LEKR1: variants seen among roughly 807,000 people sequenced by gnomAD.
The protein encoded by LEKR1 is protein LEKR1.
A neutral mutation model predicts 72.4 loss-of-function variants in LEKR1; 59 were observed. That is an observed-to-expected ratio of 0.82 (90% CI 0.66 to 1.01). LEKR1 has a LOEUF of 1.01. Ranked by LOEUF, LEKR1 falls within the 50% of genes least tolerant of loss-of-function variation. The probability of loss-of-function intolerance (pLI) is 0.00; values close to 1 mark genes in which losing one functional copy is unlikely to be tolerated. For missense variants in LEKR1, 728 were observed against 759.2 expected, an observed-to-expected ratio of 0.96 and a Z score of 0.48; for synonymous variants, 257 against 263.2, an observed-to-expected ratio of 0.98 and a Z score of 0.23.
intron 3 of LEKR1, chr3:156,888,338 A>G (rs1177797258): frequency 1.4e-6 from 1 of 702,172 alleles, no homozygotes; most frequent in Admixed American, 2.0e-5. Context: ...GAAGTAGAAC[A>G]TTGCCAGCTG....
chr3:157,002,645 G>A (rs910174457), intron 9 of LEKR1, among the ~76,000 whole-genome samples: 4 of 151,940 alleles, frequency 2.6e-5, no homozygotes. Context: ...GAATCAAAGC[G>A]GTATAAAAGT....
At chr3:156,943,243 A>G (rs906050849) in intron 6 of LEKR1, among the ~76,000 whole-genome samples, 1 of 151,950 alleles carries the variant, frequency 6.6e-6, no homozygotes, top group African/African-American at 2.4e-5. Context: ...GCAGAATTTT[A>G]GACAAATTAA....
At chr3:156,992,072 A>G (rs1235297713) in intron 7 of LEKR1, among the ~76,000 whole-genome samples, 1 of 152,218 alleles carries the variant, frequency 6.6e-6, no homozygotes, top group Admixed American at 6.5e-5. Flanking sequence ...TGCTTGGAAT[A>G]TGCTTAATAC....
rs546167243 is a variant in LEKR1 at position 156,969,914 on chromosome 3, C to T, written c.746-9280C>T. On this transcript the variant is annotated intron_variant, in intron 6 of 12. Coordinates refer to ENST00000356539, the MANE Select transcript of LEKR1 (RefSeq NM_001004316.3). Reference sequence around the variant, plus strand: ...CCATATCCAGCAGCACATCAAAAAGCATATCCACCATGATCAAGTGGGCTT... The same window carrying T: ...CCATATCCAGCAGCACATCAAAAAGTATATCCACCATGATCAAGTGGGCTT... Among the ~76,000 whole-genome samples the T allele has an allele frequency of 1.8e-4, 28 of 152,314 alleles. No individual in the cohort carries two copies. The East Asian group carries it at 4.6e-3, about 25-fold the overall frequency.
chr3:156,935,708 G>A (rs1047013415), intron 5 of LEKR1, among the ~76,000 whole-genome samples: 5 of 152,140 alleles, frequency 3.3e-5, no homozygotes, highest in African/African-American at 9.7e-5. Context: ...GCAGACCTTC[G>A]CTTTCCCATA....
At chr3:156,861,784 A>T (rs1365068913) in intron 3 of LEKR1, among the ~76,000 whole-genome samples, 3 of 152,088 alleles carry the variant, frequency 2.0e-5, no homozygotes, top group Non-Finnish European at 1.5e-5. Context: ...TGTGCTATGC[A>T]TTACTTGAAC....
intron 5 of LEKR1, among the ~76,000 whole-genome samples, chr3:156,930,584 CAT>C (rs1419964903): frequency 6.6e-6 from 1 of 151,956 alleles, no homozygotes; most frequent in Admixed American, 6.6e-5. Flanking sequence ...AATACAGAAA[CAT>C]GTAGCTAAAA....
At chr3:156,980,264 A>G (rs1730072867) in intron 7 of LEKR1, among the ~76,000 whole-genome samples, 2 of 152,246 alleles carry the variant, frequency 1.3e-5, no homozygotes, top group Non-Finnish European at 2.9e-5. Context: ...TACTCCTAAA[A>G]TCAATGTGTT....
chr3:157,030,400 T>C (rs1423669624), intron 12 of LEKR1, among the ~76,000 whole-genome samples: 3 of 152,102 alleles, frequency 2.0e-5, no homozygotes, highest in African/African-American at 7.2e-5. Context: ...TAGGTACTGG[T>C]GATGTAATTA....
At chr3:156,849,099 C>T (rs1022721775) in intron 2 of LEKR1, among the ~76,000 whole-genome samples, 2 of 150,626 alleles carry the variant, frequency 1.3e-5, no homozygotes, top group African/African-American at 2.4e-5. Context: ...CACAAGCATT[C>T]TTATACACCA....
chr3:156,893,701 T>C (rs1255804568), intron 3 of LEKR1, among the ~76,000 whole-genome samples: 1 of 152,204 alleles, frequency 6.6e-6, no homozygotes, highest in African/African-American at 2.4e-5. Flanking sequence ...CAGAAGTAGA[T>C]GCTGAAACCA....
intron 3 of LEKR1, among the ~76,000 whole-genome samples, chr3:156,857,001 A>T (rs1180415536): frequency 1.3e-5 from 2 of 152,098 alleles, no homozygotes; most frequent in Non-Finnish European, 2.9e-5. Context: ...AATGTAATGC[A>T]ATCCTGCCTA....
chr3:156,979,131 T>C (rs1280634012), intron 6 of LEKR1, 63 bp from the exon 7 acceptor site: 1 of 714,726 alleles, frequency 1.4e-6, no homozygotes, highest in East Asian at 6.5e-5. Flanking sequence ...TATGGTTTAC[T>C]CTATGAAAAT....
At chr3:156,857,539 G>A (rs992015470) in intron 3 of LEKR1, among the ~76,000 whole-genome samples, 2 of 152,094 alleles carry the variant, frequency 1.3e-5, no homozygotes, top group African/African-American at 4.8e-5. Context: ...GTCCAGAAGT[G>A]TTTTGGATTT....
chr3:156,963,664 A>G (rs1728314384), intron 6 of LEKR1, among the ~76,000 whole-genome samples: 1 of 152,190 alleles, frequency 6.6e-6, no homozygotes. Context: ...TGACATTCAC[A>G]TACCACTTGC....
At chr3:156,991,311 A>G (rs889572376) in intron 7 of LEKR1, among the ~76,000 whole-genome samples, 32 of 151,954 alleles carry the variant, frequency 2.1e-4, no homozygotes, top group Admixed American at 3.3e-4. Flanking sequence ...ATAATAATTC[A>G]TTATATTATA....
intron 2 of LEKR1, among the ~76,000 whole-genome samples, chr3:156,838,991 G>T (rs77679185): frequency 0.016 from 2,476 of 152,104 alleles, 52 homozygotes; most frequent in African/African-American, 0.042. Context: ...TCCTAAACAG[G>T]TTTTTAACAC....
At chr3:156,998,825 C>T (rs1223625959) in intron 9 of LEKR1, among the ~76,000 whole-genome samples, 1 of 152,126 alleles carries the variant, frequency 6.6e-6, no homozygotes, top group Non-Finnish European at 1.5e-5. Context: ...TTTGGCCTCT[C>T]CTCTCTCCTT....
At chr3:156,972,210 A>G (rs1384422370) in intron 6 of LEKR1, among the ~76,000 whole-genome samples, 3 of 152,164 alleles carry the variant, frequency 2.0e-5, no homozygotes, top group Non-Finnish European at 4.4e-5. Flanking sequence ...ATGAAGCTGG[A>G]AACCATCATT....
Sources: gnomAD v4.1 joint callset for allele counts (sites outside exome capture counted in the v4.1 genomes callset) on GRCh38, gnomAD v4.1.1 for gene constraint, MANE v1.5 for transcripts, NCBI Gene and HGNC (gene_info 2026-07-23, HGNC 2026-07-21) for gene names.